ZDHHC17: variants seen among roughly 807,000 people sequenced by gnomAD.
ZDHHC17 encodes the protein zDHHC palmitoyltransferase 17.
ZDHHC17 carries 40 observed loss-of-function variants against 90.3 expected under a neutral mutation model. The observed-to-expected ratio is 0.44, with a 90% CI of 0.34 to 0.58. The LOEUF (loss-of-function observed/expected upper bound fraction) is 0.58, where lower values mean the gene tolerates loss of function less well. ZDHHC17 is among the 20% of genes least tolerant of loss of function. ZDHHC17 has a pLI of 0.01. For synonymous variants in ZDHHC17, 235 were observed against 252.4 expected (o/e 0.93, Z 0.65); for missense variants, 614 against 780.8 (o/e 0.79, Z 2.55).
chr12:76,768,652 A>T (rs1463702942), intron 1 of ZDHHC17, among the ~76,000 whole-genome samples: 4 of 152,122 alleles, frequency 2.6e-5, no homozygotes. Context: ...AGGGACAGAG[A>T]CCATATGTTG....
intron 2 of ZDHHC17, among the ~76,000 whole-genome samples, chr12:76,801,241 C>T (rs1392857956): frequency 6.6e-6 from 1 of 151,300 alleles, no homozygotes; most frequent in African/African-American, 2.4e-5. Flanking sequence ...TCCTGCATTA[C>T]TGTTTTTTTT....
intron 2 of ZDHHC17, among the ~76,000 whole-genome samples, chr12:76,801,094 G>T (rs1395642731): frequency 6.6e-6 from 1 of 151,078 alleles, no homozygotes; most frequent in Non-Finnish European, 1.5e-5. Flanking sequence ...CACCATGTTG[G>T]TCAGGCTGGT....
intron 13 of ZDHHC17, chr12:76,846,375 T>C (rs1432698405): frequency 2.0e-6 from 1 of 491,498 alleles, no homozygotes; most frequent in African/African-American, 2.0e-5. Flanking sequence ...CTTTGGGACT[T>C]GAACACCATT....
intron 2 of ZDHHC17, among the ~76,000 whole-genome samples, chr12:76,798,000 T>C (rs1366430394): frequency 1.3e-5 from 2 of 151,320 alleles, no homozygotes; most frequent in East Asian, 1.9e-4. Context: ...TTATTTCCCA[T>C]TGGATAATTG....
At chr12:76,773,937 G>T (rs1308853053) in intron 1 of ZDHHC17, among the ~76,000 whole-genome samples, 1 of 151,998 alleles carries the variant, frequency 6.6e-6, no homozygotes, top group African/African-American at 2.4e-5. Context: ...CTTTTGCTTA[G>T]TATACATTAA....
chr12:76,851,106 G>T lies in ZDHHC17; in HGVS notation c.*121G>T, dbSNP rs1953562333. 3 of 1,237,666 alleles carry T rather than the reference G, an allele frequency of 2.4e-6. No homozygotes were observed. The highest frequency in any genetic ancestry group is 3.3e-6 in the Non-Finnish European group (3 of 907,192). The allele number at this position is 1,237,666 out of a possible 1,614,324, so 76.7% of individuals were successfully genotyped here. On this transcript the variant is annotated 3_prime_UTR_variant, in exon 17 of 17. Coordinates refer to ENST00000426126, the MANE Select transcript of ZDHHC17 (RefSeq NM_015336.4). ...GAGCATGCTATGTGTAGGGCTAATG[G>T]TGAATTTTACAGTCTTTTTTTCAAC...
rs1472647445 is a variant in ZDHHC17, at chr12:76,797,335, CA to C, written c.94-98del. 4.2e-4 allele frequency: 278 copies of C among 667,182 alleles called. 1 individual carries two copies. The African/African-American group carries it at 4.7e-3, about 11-fold the overall frequency. The allele number at this position is 667,182 out of a possible 1,614,324, so 41.3% of individuals were successfully genotyped here. A position where few individuals can be genotyped will look rare whatever the true frequency, so the allele number is the denominator to read the frequency against. Reference sequence around the variant, plus strand: ...TAAATTTAATTATTTCAGTAATTAGCATTTCTCAAACAACACAAAAGCACTA... The same window carrying C: ...TAAATTTAATTATTTCAGTAATTAGCTTTCTCAAACAACACAAAAGCACTA... On this transcript the variant is annotated intron_variant, in intron 1 of 16. Coordinates refer to ENST00000426126, the MANE Select transcript of ZDHHC17 (RefSeq NM_015336.4).
At chr12:76,789,788 A>G (rs563767566) in intron 1 of ZDHHC17, among the ~76,000 whole-genome samples, 6 of 152,316 alleles carry the variant, frequency 3.9e-5, no homozygotes, top group Admixed American at 3.9e-4. Flanking sequence ...GAAAAACGTC[A>G]AAGAAATCCC....
chr12:76,820,429 A>C (rs1425765924), intron 7 of ZDHHC17, among the ~76,000 whole-genome samples: 1 of 152,172 alleles, frequency 6.6e-6, no homozygotes, highest in Non-Finnish European at 1.5e-5. Context: ...AATCCTTAGC[A>C]TATGTTTTTG....
intron 1 of ZDHHC17, among the ~76,000 whole-genome samples, chr12:76,768,674 C>A (rs978680488): frequency 1.5e-4 from 23 of 152,166 alleles, no homozygotes; most frequent in Non-Finnish European, 2.9e-4. Flanking sequence ...TCTACTGGTC[C>A]AGCAGACTAG....
At chr12:76,818,444 G>C (rs1001396210) in intron 7 of ZDHHC17, among the ~76,000 whole-genome samples, 1 of 152,132 alleles carries the variant, frequency 6.6e-6, no homozygotes, top group Non-Finnish European at 1.5e-5. Context: ...TATTCTTTCA[G>C]AATGTACATT....
rs767537928 is a variant in ZDHHC17 at position 76,828,411 on chromosome 12, G to T, written c.1062G>T (p.Met354Ile). The T allele has an allele frequency of 2.0e-5, 33 of 1,610,494 alleles. No individual in the cohort carries two copies. The highest frequency in any genetic ancestry group is 2.5e-5 in the Non-Finnish European group (30 of 1,178,542). The change falls in exon 10 of 17, where the codon ATG (methionine) becomes ATT (isoleucine). Residue 354 changes from methionine (M) to isoleucine (I), a missense_variant. Met to Ile is a conservative substitution (Grantham distance 10). Around this residue, in one of 5 missense-constraint regions of ZDHHC17, gnomAD observed 117 missense variants for 183.6 expected, o/e 0.64. Transcript: ENST00000426126. ...FLSKSFFDHS[M>I]HSALPLGIYL... is the part of the protein sequence containing the mutation. ...ACAGATCCTTTTTCGATCATTCAAT[G>T]CATAGTGCATTGCCCCTTGGGATAT...
chr12:76,849,118 T>TACA (rs1402724982), intron 15 of ZDHHC17, among the ~76,000 whole-genome samples: 6 of 48,438 alleles, frequency 1.2e-4, no homozygotes, highest in Non-Finnish European at 2.1e-4. Flanking sequence ...ACCCTATCTC[T>TACA]AAAAAAAAAA....
intron 1 of ZDHHC17, among the ~76,000 whole-genome samples, chr12:76,787,598 AAC>A (rs1279372500): frequency 2.0e-5 from 3 of 148,858 alleles, no homozygotes; most frequent in African/African-American, 7.5e-5. Context: ...ATAGAGTGAA[AAC>A]ACACACTCTG....
At chr12:76,828,096 T>G (rs977575376) in intron 9 of ZDHHC17, among the ~76,000 whole-genome samples, 2 of 152,100 alleles carry the variant, frequency 1.3e-5, no homozygotes, top group African/African-American at 4.8e-5. Flanking sequence ...CTATATATAC[T>G]AAAGTCAGTT....
intron 1 of ZDHHC17, among the ~76,000 whole-genome samples, chr12:76,780,375 A>G (rs1952608416): frequency 2.0e-5 from 3 of 152,304 alleles, no homozygotes; most frequent in East Asian, 1.9e-4. Flanking sequence ...CTGTCTCCTC[A>G]TGCCCACTTA....
intron 10 of ZDHHC17, among the ~76,000 whole-genome samples, chr12:76,829,455 C>CAAAAAAAAAAAAAAAAA (rs58051393): frequency 2.8e-5 from 2 of 71,922 alleles, no homozygotes; most frequent in African/African-American, 6.4e-5. Context: ...GACTATGTCT[C>CAAAAAAAAAAAAAAAAA]AAAAAAAAAA....
chr12:76,850,727 C>G (rs951955632), intron 16 of ZDHHC17, 120 bp from the exon 17 acceptor site: 18 of 1,254,522 alleles, frequency 1.4e-5, no homozygotes, highest in Non-Finnish European at 1.9e-5. Flanking sequence ...TTCCTTCTTG[C>G]AAGTAACCTG....
At chr12:76,795,138 A>G (rs1320011926) in intron 1 of ZDHHC17, among the ~76,000 whole-genome samples, 1 of 152,086 alleles carries the variant, frequency 6.6e-6, no homozygotes, top group Non-Finnish European at 1.5e-5. Context: ...GCTCTGAGCT[A>G]TAGTGGAGCC....
Sources: allele counts gnomAD v4.1 joint callset (sites outside exome capture counted in the v4.1 genomes callset), GRCh38; gene constraint gnomAD v4.1.1; regional missense constraint gnomAD v4.1.1; transcripts MANE v1.5; gene names NCBI Gene and HGNC (gene_info 2026-07-23, HGNC 2026-07-21).